The following TXNDC11 variants were observed in gnomAD, a reference collection of about 807,000 sequenced individuals.
TXNDC11 encodes thioredoxin domain-containing protein 11.
In TXNDC11, 68 loss-of-function variants were observed where a neutral mutation model predicts 78.0. The observed-to-expected ratio is 0.87, with a 90% CI of 0.72 to 1.07. The LOEUF (loss-of-function observed/expected upper bound fraction) is 1.07. Among genes scored for constraint, TXNDC11 ranks in the 50% least tolerant of loss-of-function variants. The pLI is 0.00. For missense variants in TXNDC11, 1,389 were observed against 1,221.8 expected, an observed-to-expected ratio of 1.14 and a Z score of -2.04; for synonymous variants, 571 against 495.2, an observed-to-expected ratio of 1.15 and a Z score of -2.03.
intron 5 of TXNDC11, among the ~76,000 whole-genome samples, chr16:11,713,856 A>T (rs1292115845): frequency 2.6e-5 from 4 of 152,132 alleles, no homozygotes; most frequent in Admixed American, 2.6e-4. Context: ...CCAAGAAAAA[A>T]AAACGATCCT....
rs577836911 is a variant in TXNDC11, at chr16:11,738,312, C to T, written c.255-2079G>A. On this transcript the variant is annotated intron_variant, in intron 1 of 11. Coordinates refer to ENST00000283033, the MANE Select transcript of TXNDC11 (RefSeq NM_015914.7). ...AACCTTCAATCAGAGAGCTTTCAGT[C>T]TATGCAGAATGCCTTCATAACCTGA... is the stretch of plus-strand genomic sequence containing the variant. 2.0e-4 allele frequency among the ~76,000 whole-genome samples: 31 copies of T among 152,340 alleles called. No individual in the cohort carries two copies. In the South Asian group the frequency reaches 5.0e-3, roughly 24 times the overall value.
intron 1 of TXNDC11, among the ~76,000 whole-genome samples, chr16:11,739,687 T>C (rs980502753): frequency 6.6e-6 from 1 of 152,100 alleles, no homozygotes; most frequent in Non-Finnish European, 1.5e-5. Flanking sequence ...CAATTTTTTT[T>C]CCCTCTAAAT....
chr16:11,689,633 G>A (rs2050657486), intron 8 of TXNDC11, among the ~76,000 whole-genome samples: 1 of 152,104 alleles, frequency 6.6e-6, no homozygotes, highest in Non-Finnish European at 1.5e-5. Context: ...TCTAAAGAAG[G>A]CTTCTTTCAA....
At chr16:11,711,708 G>A (rs2051366461) in intron 5 of TXNDC11, among the ~76,000 whole-genome samples, 1 of 152,206 alleles carries the variant, frequency 6.6e-6, no homozygotes, top group Non-Finnish European at 1.5e-5. Flanking sequence ...CCTATTCGCA[G>A]GTTCTACTGA....
intron 7 of TXNDC11, among the ~76,000 whole-genome samples, chr16:11,697,160 A>C (rs2050880682): frequency 6.6e-6 from 1 of 152,198 alleles, no homozygotes; most frequent in African/African-American, 2.4e-5. Flanking sequence ...CTCTAAACCA[A>C]AGAGCAGCAT....
At position 11,691,721 on chromosome 16, in the gene TXNDC11, A is replaced by G; in HGVS notation, c.1469T>C (p.Ile490Thr). 6.2e-7 allele frequency: 1 copy of G among 1,614,248 alleles called. No individual in the cohort carries two copies. The highest frequency in any genetic ancestry group is 8.5e-7 in the Non-Finnish European group (1 of 1,180,056). Reference sequence around the variant, plus strand: ...GGAAGTTAAAAAATTGCTGCATTCTATGCTGTCTGATGCCACATGATAAAA... The same window carrying G: ...GGAAGTTAAAAAATTGCTGCATTCTGTGCTGTCTGATGCCACATGATAAAA... ...QTFYHVASDSIECSNFLTSYS... is the reference protein window; with the variant it reads ...QTFYHVASDSTECSNFLTSYS... Residue 490 changes from isoleucine to threonine, a missense_variant, in exon 8 of 12, where the codon ATA becomes ACA. Physicochemically the swap from Ile to Thr is moderately conservative, Grantham distance 89 (BLOSUM62 -1). Transcript: ENST00000283033.
Position 11,734,902 on chromosome 16 carries a change from G to C in TXNDC11, c.472-823C>G, listed in dbSNP as rs537478151. Among the ~76,000 whole-genome samples the C allele has an allele frequency of 4.6e-5, 7 of 152,302 alleles. 1 individual carries two copies. In the South Asian group the frequency reaches 1.5e-3, roughly 32 times the overall value. On this transcript the variant is annotated intron_variant, in intron 2 of 11. Transcript: ENST00000283033. ...GCTACAATGACTGGGGGAAGCTACA[G>C]TGCATACGTAGGGCAGGGGTGTTGG...
intron 4 of TXNDC11, among the ~76,000 whole-genome samples, chr16:11,728,688 G>C (rs922957013): frequency 1.3e-5 from 2 of 152,212 alleles, no homozygotes; most frequent in Non-Finnish European, 2.9e-5. Flanking sequence ...GCTCACACCT[G>C]TAATCCCAGC....
intron 6 of TXNDC11, among the ~76,000 whole-genome samples, chr16:11,699,748 A>G (rs1042604234): frequency 2.0e-5 from 3 of 152,248 alleles, no homozygotes; most frequent in Non-Finnish European, 2.9e-5. Flanking sequence ...CACTGGGTGC[A>G]GGGAAATTGA....
intron 5 of TXNDC11, among the ~76,000 whole-genome samples, chr16:11,709,424 T>TA (rs1491195259): frequency 1.2e-4 from 3 of 24,824 alleles, no homozygotes; most frequent in African/African-American, 2.0e-4. Flanking sequence ...ATTTTTTGTA[T>TA]TTTTTTTTTT....
chr16:11,731,146 G>A (rs990226122), intron 3 of TXNDC11, among the ~76,000 whole-genome samples: 1 of 152,178 alleles, frequency 6.6e-6, no homozygotes, highest in Non-Finnish European at 1.5e-5. Context: ...GGGATTCCAG[G>A]ATTTAACTAT....
intron 5 of TXNDC11, chr16:11,703,545 G>T: frequency 1.7e-6 from 1 of 573,348 alleles, no homozygotes; most frequent in Non-Finnish European, 3.2e-6. Context: ...CACACACACA[G>T]AGGGAGAGAG....
intron 5 of TXNDC11, 81 bp downstream of exon 5, chr16:11,721,496 T>C (rs897864595): frequency 1.4e-6 from 1 of 734,424 alleles, no homozygotes; most frequent in Non-Finnish European, 2.3e-6. Context: ...AATTAGAATA[T>C]ATATTCATAA....
At chr16:11,724,634 G>C (rs1168824770) in intron 4 of TXNDC11, among the ~76,000 whole-genome samples, 1 of 152,154 alleles carries the variant, frequency 6.6e-6, no homozygotes, top group African/African-American at 2.4e-5. Flanking sequence ...GGTTCTGTTA[G>C]TATACGTTGT....
chr16:11,721,501 T>G (rs2051705697), intron 5 of TXNDC11, 76 bp downstream of exon 5: 1 of 763,260 alleles, frequency 1.3e-6, no homozygotes, highest in Non-Finnish European at 2.2e-6. Context: ...GAATATATAT[T>G]CATAATAACA....
intron 5 of TXNDC11, among the ~76,000 whole-genome samples, chr16:11,706,320 G>A (rs1048885613): frequency 2.4e-4 from 37 of 152,310 alleles, no homozygotes; most frequent in African/African-American, 8.7e-4. Context: ...GTCTCTTGGC[G>A]CCACTCACCC....
At chr16:11,725,764 G>C (rs748066599) in intron 4 of TXNDC11, among the ~76,000 whole-genome samples, 4 of 152,236 alleles carry the variant, frequency 2.6e-5, no homozygotes, top group Admixed American at 1.3e-4. Context: ...AAGTATTTCA[G>C]GGTTTACAAA....
Position 11,698,453 on chromosome 16 carries a change from C to T in TXNDC11, c.907-128G>A, listed in dbSNP as rs559562941. ...CCCAGGCGTGGAGCGGGGCCTGGCC[C>T]CACTGTGCAGCTAACACCCGCTTCT... On this transcript the variant is annotated intron_variant, in intron 6 of 11. Transcript: ENST00000283033. The T allele has an allele frequency of 1.2e-5, 9 of 750,796 alleles. No homozygotes were observed. The South Asian group carries it at 1.4e-4, about 11-fold the overall frequency. The allele number at this position is 750,796 out of a possible 1,614,324, so 46.5% of individuals were successfully genotyped here.
intron 10 of TXNDC11, among the ~76,000 whole-genome samples, chr16:11,685,519 G>A (rs2050542719): frequency 6.6e-6 from 1 of 151,330 alleles, no homozygotes; most frequent in Non-Finnish European, 1.5e-5. Context: ...CATAATGGCG[G>A]GCGCCTGTAG....
Sources: gnomAD v4.1 joint callset for allele counts (sites outside exome capture counted in the v4.1 genomes callset) on GRCh38, gnomAD v4.1.1 for gene constraint, MANE v1.5 for transcripts, NCBI Gene and HGNC (gene_info 2026-07-23, HGNC 2026-07-21) for gene names.